Variants in LRRIQ1 observed in about 807,000 individuals in gnomAD.
The protein encoded by LRRIQ1 is leucine-rich repeat- and IQ domain-containing protein 1.
A neutral mutation model predicts 211.9 loss-of-function variants in LRRIQ1; 210 were observed. The observed-to-expected ratio is 0.99, with a 90% CI of 0.89 to 1.11. The LOEUF (loss-of-function observed/expected upper bound fraction) is 1.11, where lower values mean the gene tolerates loss of function less well. Ranked by LOEUF, LRRIQ1 falls within the 50% of genes most tolerant of loss-of-function variation. The pLI, the probability that LRRIQ1 is intolerant of heterozygous loss-of-function variation, is 0.00. For missense variants in LRRIQ1, 2,136 were observed against 1,939.5 expected (o/e 1.10, Z -1.90); for synonymous variants, 699 against 650.1 (o/e 1.08, Z -1.14).
At chr12:85,202,972 T>G (rs1333204560) in intron 24 of LRRIQ1, among the ~76,000 whole-genome samples, 2 of 152,092 alleles carry the variant, frequency 1.3e-5, no homozygotes, top group African/African-American at 4.8e-5. Flanking sequence ...TATAAGGCAG[T>G]TCTGGTGGTA....
intron 26 of LRRIQ1, among the ~76,000 whole-genome samples, chr12:85,241,453 CAT>C (rs944493830): frequency 2.0e-5 from 3 of 151,800 alleles, no homozygotes; most frequent in South Asian, 2.1e-4. Context: ...TAAAATCACT[CAT>C]ATGTCTAGAT....
chr12:85,093,437 C>G (rs1885586166), intron 11 of LRRIQ1, among the ~76,000 whole-genome samples: 1 of 152,174 alleles, frequency 6.6e-6, no homozygotes, highest in Non-Finnish European at 1.5e-5. Context: ...ATGCCCTTAA[C>G]TCACATCTGT....
chr12:85,093,629 C>G (rs1340122784), intron 11 of LRRIQ1, among the ~76,000 whole-genome samples: 1 of 152,118 alleles, frequency 6.6e-6, no homozygotes, highest in Non-Finnish European at 1.5e-5. Context: ...AAAAAGTGTC[C>G]TCACATTTGC....
chr12:85,194,621 C>T (rs1197242877), intron 24 of LRRIQ1, among the ~76,000 whole-genome samples: 2 of 151,730 alleles, frequency 1.3e-5, no homozygotes, highest in African/African-American at 2.4e-5. Flanking sequence ...TTCTTTGAAA[C>T]CAACGAGAAC....
At chr12:85,243,610 G>GTA (rs567850808) in intron 26 of LRRIQ1, among the ~76,000 whole-genome samples, 27 of 150,792 alleles carry the variant, frequency 1.8e-4, no homozygotes, top group Middle Eastern at 3.4e-3. Flanking sequence ...ATTCCACAGT[G>GTA]TATATATATA....
chr12:85,221,776 C>T (rs1043051273), intron 24 of LRRIQ1, among the ~76,000 whole-genome samples: 1 of 152,090 alleles, frequency 6.6e-6, no homozygotes. Flanking sequence ...AAAGTAAGAC[C>T]TATACTTTAT....
intron 24 of LRRIQ1, among the ~76,000 whole-genome samples, chr12:85,206,364 C>G (rs539590606): frequency 1.4e-4 from 21 of 152,288 alleles, no homozygotes; most frequent in South Asian, 4.1e-4. Context: ...TGTCCATGTT[C>G]ATACCAGTGA....
chr12:85,155,668 G>C (rs1318635748), intron 23 of LRRIQ1, among the ~76,000 whole-genome samples: 1 of 151,572 alleles, frequency 6.6e-6, no homozygotes. Context: ...TGTATTCAAG[G>C]AATTTTGCTA....
intron 18 of LRRIQ1, among the ~76,000 whole-genome samples, chr12:85,136,100 GT>G (rs1284392360): frequency 6.6e-6 from 1 of 151,852 alleles, no homozygotes; most frequent in Non-Finnish European, 1.5e-5. Context: ...AGAAAATCTT[GT>G]TTTTTACTGA....
intron 4 of LRRIQ1, among the ~76,000 whole-genome samples, chr12:85,045,169 C>A (rs140313280): frequency 2.0e-5 from 3 of 151,872 alleles, no homozygotes; most frequent in Non-Finnish European, 4.4e-5. Flanking sequence ...TATGTTCCTG[C>A]AGAGACGTTA....
intron 26 of LRRIQ1, among the ~76,000 whole-genome samples, chr12:85,240,960 A>G (rs1407302284): frequency 1.3e-5 from 2 of 152,234 alleles, no homozygotes; most frequent in Non-Finnish European, 2.9e-5. Flanking sequence ...ACATATTAAT[A>G]CAATACATAA....
At chr12:85,055,119 T>G (rs2135977506) in intron 7 of LRRIQ1, among the ~76,000 whole-genome samples, 1 of 152,236 alleles carries the variant, frequency 6.6e-6, no homozygotes, top group East Asian at 1.9e-4. Flanking sequence ...AATTCCTGTT[T>G]TTGCAGTCTC....
intron 24 of LRRIQ1, among the ~76,000 whole-genome samples, chr12:85,181,522 G>T (rs1891981205): frequency 6.6e-6 from 1 of 151,828 alleles, no homozygotes; most frequent in Non-Finnish European, 1.5e-5. Flanking sequence ...AAAGAGAAAT[G>T]ATTATATCAA....
chr12:85,122,095 A>G (rs1484606429), intron 16 of LRRIQ1, among the ~76,000 whole-genome samples: 1 of 152,184 alleles, frequency 6.6e-6, no homozygotes, highest in Non-Finnish European at 1.5e-5. Context: ...ATGCTACAAT[A>G]TTAGATAAAG....
chr12:85,217,102 T>G (rs1301043614), intron 24 of LRRIQ1, among the ~76,000 whole-genome samples: 2 of 151,810 alleles, frequency 1.3e-5, no homozygotes, highest in Non-Finnish European at 2.9e-5. Flanking sequence ...AACTTATCTC[T>G]GTATCAGAAA....
chr12:85,150,417 A>C (rs1292326699), intron 19 of LRRIQ1, among the ~76,000 whole-genome samples: 1 of 151,790 alleles, frequency 6.6e-6, no homozygotes, highest in African/African-American at 2.4e-5. Context: ...AAAAATTTCC[A>C]TCCCCACCTT....
At position 85,198,064 on chromosome 12, in the gene LRRIQ1, C is replaced by CAT. The variant is rs573018409; in HGVS notation, c.4823-31450_4823-31449dup. On this transcript the variant is annotated intron_variant, in intron 24 of 26. Transcript: ENST00000393217. ...TAATATATTATATAATTATATATAA[C>CAT]ATATTATTTATATATAATTTATTAT... 3.4e-3 allele frequency among the ~76,000 whole-genome samples: 149 copies of CAT among 43,358 alleles called. 1 individual carries two copies. The highest frequency in any genetic ancestry group is 0.017 in the African/African-American group (46 of 2,720). 28.4% of individuals were successfully genotyped at this position (43,358 alleles called of 152,430 possible).
At chr12:85,206,609 G>T (rs1259672979) in intron 24 of LRRIQ1, among the ~76,000 whole-genome samples, 1 of 152,098 alleles carries the variant, frequency 6.6e-6, no homozygotes, top group Admixed American at 6.5e-5. Flanking sequence ...ATGAGTGATT[G>T]CTAGCAAAGT....
chr12:85,243,855 C>A (rs997462276), intron 26 of LRRIQ1, among the ~76,000 whole-genome samples: 2 of 151,436 alleles, frequency 1.3e-5, no homozygotes, highest in African/African-American at 4.8e-5. Context: ...CTCCTTGAGT[C>A]TTTGTGGCTC....
Sources: allele counts gnomAD v4.1 joint callset (sites outside exome capture counted in the v4.1 genomes callset), GRCh38; gene constraint gnomAD v4.1.1; transcripts MANE v1.5; gene names NCBI Gene and HGNC (gene_info 2026-07-23, HGNC 2026-07-21).